MDH1B: variants seen among roughly 807,000 people sequenced by gnomAD.
MDH1B encodes putative malate dehydrogenase 1B.
MDH1B carries 60 observed loss-of-function variants against 61.4 expected under a neutral mutation model. That is an observed-to-expected ratio of 0.98 (90% CI 0.79 to 1.21). The LOEUF (loss-of-function observed/expected upper bound fraction) is 1.21. Ranked by LOEUF, MDH1B falls within the 50% of genes most tolerant of loss-of-function variation. The pLI is 0.00. For synonymous variants in MDH1B, 236 were observed against 218.7 expected, an observed-to-expected ratio of 1.08 and a Z score of -0.70; for missense variants, 587 against 632.1, an observed-to-expected ratio of 0.93 and a Z score of 0.76.
At chr2:206,742,233 G>A (rs191643855) in intron 9 of MDH1B, among the ~76,000 whole-genome samples, 1 of 152,296 alleles carries the variant, frequency 6.6e-6, no homozygotes, top group Non-Finnish European at 1.5e-5. Flanking sequence ...CTCTTATTAT[G>A]TGAGTGGTTG....
intron 4 of MDH1B, among the ~76,000 whole-genome samples, chr2:206,755,719 T>A (rs1688722012): frequency 6.6e-6 from 1 of 152,000 alleles, no homozygotes; most frequent in South Asian, 2.1e-4. Context: ...CTGAAATCAG[T>A]CCCCAAATAA....
rs1044254699 is a variant in MDH1B, at chr2:206,755,525, G to A, written c.414-20C>T. 6.9e-6 allele frequency: 11 copies of A among 1,596,466 alleles called. No individual in the cohort carries two copies. The highest frequency in any genetic ancestry group is 3.4e-5 in the South Asian group (3 of 87,228). ...GAGGCACTGATAAAAATGCAAAGCCGCATTGTGAATAGTTATATCCTTTGT... is the reference window on the plus strand; with the variant it reads ...GAGGCACTGATAAAAATGCAAAGCCACATTGTGAATAGTTATATCCTTTGT... On this transcript the variant is annotated intron_variant, in intron 4 of 11. Transcript: ENST00000374412.
At position 206,757,391 on chromosome 2, in the gene MDH1B, G is replaced by T; in HGVS notation, c.136-20C>A. On this transcript the variant is annotated intron_variant, in intron 2 of 11. Transcript: ENST00000374412. ...CCAATCCTGTTGAATGATATCCCAA[G>T]TGAAGTCATATATTAAATCTGCCTG... The T allele has an allele frequency of 6.2e-7, 1 of 1,606,016 alleles. No homozygotes were observed.
rs772799237 is a variant in MDH1B, at chr2:206,750,648, G to T, written c.1052+286C>A. 6.3e-4 allele frequency among the ~76,000 whole-genome samples: 95 copies of T among 151,930 alleles called. 1 individual carries two copies. The highest frequency in any genetic ancestry group is 1.1e-3 in the Non-Finnish European group (76 of 67,972). ...TGGATAGATAGCTCTGTCTTTACAC[G>T]AAGTAAGATTCCCTTATACATGCTT... On this transcript the variant is annotated intron_variant, in intron 6 of 11. Coordinates refer to ENST00000374412, the MANE Select transcript of MDH1B (RefSeq NM_001039845.3).
intron 2 of MDH1B, among the ~76,000 whole-genome samples, chr2:206,759,417 C>T (rs1688964646): frequency 1.3e-5 from 2 of 152,078 alleles, no homozygotes; most frequent in Non-Finnish European, 2.9e-5. Context: ...CATGTCTTTG[C>T]TATTGTGACT....
At chr2:206,741,513 G>T (rs868093893) in intron 9 of MDH1B, 3 of 210,546 alleles carry the variant, frequency 1.4e-5, no homozygotes, top group Non-Finnish European at 2.9e-5. Context: ...AATGTGAAAA[G>T]GTGAGAATTG....
chr2:206,760,874 G>T, intron 2 of MDH1B, 27 bp downstream of exon 2: 1 of 1,340,856 alleles, frequency 7.5e-7, no homozygotes, highest in Non-Finnish European at 1.1e-6. Context: ...GCATGAGTGA[G>T]TTCAACAAAC....
At chr2:206,751,922 T>C (rs190039016) in intron 5 of MDH1B, among the ~76,000 whole-genome samples, 2 of 152,374 alleles carry the variant, frequency 1.3e-5, no homozygotes, top group East Asian at 3.9e-4. Flanking sequence ...CACTTCTTAC[T>C]GTGGAGATTA....
Position 206,756,816 on chromosome 2 carries a change from C to T in MDH1B, c.413+82G>A. On this transcript the variant is annotated intron_variant, in intron 4 of 11. Coordinates refer to ENST00000374412, the MANE Select transcript of MDH1B (RefSeq NM_001039845.3). ...CAAACCTGACATTCAGGTATTCTTC[C>T]ATCATGAAATTAATCCCATCTCATT... is the stretch of plus-strand genomic sequence containing the variant. The T allele has an allele frequency of 8.2e-6, 12 of 1,468,926 alleles. No individual in the cohort carries two copies. In the South Asian group the frequency reaches 1.3e-4, roughly 16 times the overall value. 91.0% of individuals were successfully genotyped at this position (1,468,926 alleles called of 1,614,324 possible). A position where few individuals can be genotyped will look rare whatever the true frequency, so the allele number is the denominator to read the frequency against.
intron 5 of MDH1B, among the ~76,000 whole-genome samples, chr2:206,751,627 T>A (rs937870107): frequency 6.6e-6 from 1 of 152,152 alleles, no homozygotes; most frequent in Admixed American, 6.5e-5. Flanking sequence ...ATTCTATGTG[T>A]GAGACACCTC....
chr2:206,751,866 T>C (rs535688609), intron 5 of MDH1B, among the ~76,000 whole-genome samples: 1 of 152,366 alleles, frequency 6.6e-6, no homozygotes, highest in South Asian at 2.1e-4. Context: ...TTTATTTACT[T>C]ATTTAACTTA....
intron 2 of MDH1B, among the ~76,000 whole-genome samples, chr2:206,760,642 T>A (rs1689036625): frequency 6.6e-6 from 1 of 152,204 alleles, no homozygotes; most frequent in South Asian, 2.1e-4. Context: ...CAGTGTAAGC[T>A]ACCTGGATTC....
At chr2:206,745,735 T>TG in intron 8 of MDH1B, 62 bp from the exon 9 acceptor site, 1 of 870,870 alleles carries the variant, frequency 1.1e-6, no homozygotes. Context: ...TTCTTCTTTT[T>TG]TTTTTTTTTT....
At chr2:206,739,537 C>T in intron 11 of MDH1B, 56 bp downstream of exon 11, 1 of 1,474,258 alleles carries the variant, frequency 6.8e-7, no homozygotes, top group Non-Finnish European at 9.5e-7. Context: ...TCCTCTATTA[C>T]CCAGTTCCAC....
At chr2:206,763,101 C>CAT (rs1272711207) in intron 1 of MDH1B, among the ~76,000 whole-genome samples, 1 of 152,076 alleles carries the variant, frequency 6.6e-6, no homozygotes, top group Non-Finnish European at 1.5e-5. Context: ...CAAAATGTCT[C>CAT]ATAGACACTC....
intron 9 of MDH1B, among the ~76,000 whole-genome samples, chr2:206,742,512 G>A (rs1260734165): frequency 6.6e-6 from 1 of 152,076 alleles, no homozygotes; most frequent in African/African-American, 2.4e-5. Context: ...ACCCTGTGCT[G>A]CCTGAGGCAA....
At chr2:206,751,568 G>GT (rs562273123) in intron 5 of MDH1B, among the ~76,000 whole-genome samples, 112 of 152,320 alleles carry the variant, frequency 7.4e-4, no homozygotes, top group African/African-American at 2.6e-3. Context: ...TGAGGATATT[G>GT]TAAGAGGACC....
chr2:206,760,692 G>A (rs190541957), intron 2 of MDH1B, among the ~76,000 whole-genome samples: 12 of 152,274 alleles, frequency 7.9e-5, no homozygotes, highest in East Asian at 1.9e-4. Flanking sequence ...TTATTGATTA[G>A]GGTCTCATTT....
chr2:206,739,412 TAA>T (rs56210267), intron 11 of MDH1B, among the ~76,000 whole-genome samples, 179 bp downstream of exon 11: 2 of 146,108 alleles, frequency 1.4e-5, no homozygotes, highest in African/African-American at 2.5e-5. Flanking sequence ...GACCTTGTCT[TAA>T]AAAAAAAAAG....
Sources: allele counts gnomAD v4.1 joint callset (sites outside exome capture counted in the v4.1 genomes callset), GRCh38; gene constraint gnomAD v4.1.1; transcripts MANE v1.5; gene names NCBI Gene and HGNC (gene_info 2026-07-23, HGNC 2026-07-21).